The following HERC2 variants were observed in gnomAD, a reference collection of about 807,000 sequenced individuals.
HERC2 encodes the protein HECT and RLD domain containing E3 ubiquitin protein ligase 2.
A neutral mutation model predicts 537.7 loss-of-function variants in HERC2; 102 were observed. The observed-to-expected ratio is 0.19, with a 90% CI of 0.16 to 0.22. The LOEUF is 0.22. Ranked by LOEUF, HERC2 falls within the 10% of genes least tolerant of loss-of-function variation. HERC2 has a pLI of 1.00. For missense variants in HERC2, 4,236 were observed against 6,198.2 expected, an observed-to-expected ratio of 0.68 and a Z score of 10.63; for synonymous variants, 2,224 against 2,466.2, an observed-to-expected ratio of 0.90 and a Z score of 2.91.
chr15:28,208,247 G>A (rs761452097), intron 44 of HERC2, among the ~76,000 whole-genome samples: 2 of 151,976 alleles, frequency 1.3e-5, no homozygotes, highest in African/African-American at 2.4e-5. Flanking sequence ...ACATTCTACT[G>A]GACTTGCATA....
chr15:28,294,146 C>T (rs1370843269), intron 3 of HERC2, among the ~76,000 whole-genome samples: 1 of 152,184 alleles, frequency 6.6e-6, no homozygotes, highest in Non-Finnish European at 1.5e-5. Flanking sequence ...CAGTTCTCTG[C>T]GACATCCAGC....
chr15:28,116,265 G>A (rs529480306), intron 88 of HERC2, among the ~76,000 whole-genome samples: 1 of 148,998 alleles, frequency 6.7e-6, no homozygotes, highest in African/African-American at 2.5e-5. Context: ...CCAGGCTGGA[G>A]TGCAATGGTA....
In HERC2 at chr15:28,215,486, C is replaced by T. The variant is rs1189670132; in HGVS notation, c.6210+135G>A. The T allele has an allele frequency of 1.3e-5, 8 of 616,012 alleles. No individual in the cohort carries two copies. In the East Asian group the frequency reaches 2.3e-4, roughly 18 times the overall value. The allele number at this position is 616,012 out of a possible 1,614,324, so 38.2% of individuals were successfully genotyped here. A position where few individuals can be genotyped will look rare whatever the true frequency, so the allele number is the denominator to read the frequency against. On this transcript the variant is annotated intron_variant, in intron 39 of 92. Transcript: ENST00000261609. ...TATCAAGGACCTCTGCCCCTTGCCT[C>T]CAGAAAATCTACCCTGTCACTTCTA...
chr15:28,288,342 A>G (rs2076216269), intron 4 of HERC2, among the ~76,000 whole-genome samples: 1 of 151,262 alleles, frequency 6.6e-6, no homozygotes, highest in Admixed American at 6.6e-5. Flanking sequence ...CCTGACCAAC[A>G]TGACGAAACC....
At chr15:28,307,622 AT>A (rs2076826361) in intron 2 of HERC2, among the ~76,000 whole-genome samples, 1 of 152,162 alleles carries the variant, frequency 6.6e-6, no homozygotes, top group Non-Finnish European at 1.5e-5. Flanking sequence ...TCAGGAGCAT[AT>A]TGTTTAATTC....
intron 81 of HERC2, among the ~76,000 whole-genome samples, chr15:28,130,852 C>T (rs1890036789): frequency 6.6e-6 from 1 of 152,202 alleles, no homozygotes; most frequent in South Asian, 2.1e-4. Flanking sequence ...GGGAGCTTTG[C>T]AGGTGAGGCC....
In HERC2 at chr15:28,254,541, G is replaced by A. The variant is rs371465740; in HGVS notation, c.2872-23C>T. 1.1e-5 allele frequency: 17 copies of A among 1,524,008 alleles called. No homozygotes were observed. The African/African-American group carries it at 2.2e-4, about 20-fold the overall frequency. 94.4% of individuals were successfully genotyped at this position (1,524,008 alleles called of 1,614,324 possible). On this transcript the variant is annotated intron_variant, in intron 19 of 92. Coordinates refer to ENST00000261609, the MANE Select transcript of HERC2 (RefSeq NM_004667.6). ...ATCCTGTAATTCATAAAAAGAAATTGTTTACAAGTGATCTCATTACCAGGT... is the reference window on the plus strand; with the variant it reads ...ATCCTGTAATTCATAAAAAGAAATTATTTACAAGTGATCTCATTACCAGGT...
At position 28,181,596 on chromosome 15, in the gene HERC2, G is replaced by C. The variant is rs148411249; in HGVS notation, c.8937+805C>G. Among the ~76,000 whole-genome samples the C allele has an allele frequency of 4.6e-5, 7 of 152,364 alleles. No homozygotes were observed. In the East Asian group the frequency reaches 1.2e-3, roughly 25 times the overall value. ...GGAAGCATAAGCTCACGTGAACACAGAGAGTGCCTCTGGGCAATAAAATTT... is the reference window on the plus strand; with the variant it reads ...GGAAGCATAAGCTCACGTGAACACACAGAGTGCCTCTGGGCAATAAAATTT... On this transcript the variant is annotated intron_variant, in intron 57 of 92. Transcript: ENST00000261609.
chr15:28,229,578 G>A lies in HERC2; in HGVS notation c.5002C>T (p.Arg1668Cys). Residue 1668 changes from arginine (R) to cysteine (C), a missense_variant, in exon 33 of 93, where the codon CGC becomes TGC. Physicochemically the swap from Arg to Cys is radical, Grantham distance 180 (BLOSUM62 -3). This residue lies in a region of HERC2 where 343 missense variants were observed against 417.2 expected (regional missense o/e 0.82). Transcript: ENST00000261609. Reference protein sequence around the residue: ...LLKQLERAEVRLEGIDTILKL... With the variant: ...LLKQLERAEVCLEGIDTILKL... ...AAAATTGTATCTATCCCTTCCAGGC[G>A]AACCTCTGCTCTCTCCAACTGCAAA... 1 of 1,612,394 alleles carries A rather than the reference G, an allele frequency of 6.2e-7. No individual in the cohort carries two copies. Among genetic ancestry groups the A allele is most frequent in the Non-Finnish European group, 8.5e-7 (1 of 1,179,602 alleles).
chr15:28,274,426 C>T lies in HERC2; in HGVS notation c.665G>A (p.Ser222Asn). Residue 222 changes from serine (S) to asparagine (N), a missense_variant, in exon 7 of 93, where the codon AGT (serine) becomes AAT (asparagine). Coordinates refer to ENST00000261609, the MANE Select transcript of HERC2 (RefSeq NM_004667.6). ...GTCCAGGGACTCCTGCAACAGCTCA[C>T]TGCAGAGGTCCGCATCCTCGCCTGG... ...WRSGEDADLCSELLQESLDAL... is the reference protein window; with the variant it reads ...WRSGEDADLCNELLQESLDAL... 1 of 1,612,738 alleles carries T rather than the reference C, an allele frequency of 6.2e-7. No individual in the cohort carries two copies. Among genetic ancestry groups the T allele is most frequent in the Non-Finnish European group, 8.5e-7 (1 of 1,179,424 alleles).
intron 35 of HERC2, among the ~76,000 whole-genome samples, chr15:28,222,652 G>T (rs1275423370): frequency 6.6e-6 from 1 of 152,134 alleles, no homozygotes; most frequent in African/African-American, 2.4e-5. Flanking sequence ...CCTCAGACAG[G>T]GTTGCTGCAG....
intron 52 of HERC2, among the ~76,000 whole-genome samples, chr15:28,193,336 T>C (rs142723943): frequency 0.012 from 1,803 of 152,138 alleles, 21 homozygotes; most frequent in Non-Finnish European, 0.022. Flanking sequence ...AACTGATAAA[T>C]TGAATAATTA....
At chr15:28,245,400 A>G (rs1903558433) in intron 23 of HERC2, among the ~76,000 whole-genome samples, 1 of 152,042 alleles carries the variant, frequency 6.6e-6, no homozygotes, top group East Asian at 1.9e-4. Context: ...TACAAAAGTA[A>G]GCTGGGCATG....
chr15:28,308,235 C>T (rs373346726), intron 2 of HERC2, among the ~76,000 whole-genome samples: 21 of 152,214 alleles, frequency 1.4e-4, no homozygotes, highest in African/African-American at 4.1e-4. Flanking sequence ...CTTTCATCAG[C>T]GTTTTAGAGT....
chr15:28,225,467 G>A (rs1454943960), intron 35 of HERC2, among the ~76,000 whole-genome samples: 1 of 152,098 alleles, frequency 6.6e-6, no homozygotes, highest in Admixed American at 6.5e-5. Flanking sequence ...GGGAGCTGAG[G>A]TGGGCGGATC....
In HERC2 at chr15:28,246,687, A is replaced by C. The variant is rs1903740954; in HGVS notation, c.3391+55T>G. On this transcript the variant is annotated intron_variant, in intron 22 of 92. Transcript: ENST00000261609. ...TGCTGATCAGCAAAGAAGACACTTT[A>C]GCTTTCATCTATCTCCTAAAATAAA... 3.5e-6 allele frequency: 5 copies of C among 1,416,766 alleles called. No individual in the cohort carries two copies. In the South Asian group the frequency reaches 4.3e-5, roughly 12 times the overall value. 87.8% of individuals were successfully genotyped at this position (1,416,766 alleles called of 1,614,324 possible).
chr15:28,261,642 T>C (rs2075417501), intron 15 of HERC2, among the ~76,000 whole-genome samples: 1 of 152,222 alleles, frequency 6.6e-6, no homozygotes, highest in South Asian at 2.1e-4. Context: ...TCTATACTAA[T>C]GATTGTCGTA....
chr15:28,161,930 G>A (rs535478105), intron 69 of HERC2, among the ~76,000 whole-genome samples: 7 of 152,110 alleles, frequency 4.6e-5, no homozygotes, highest in African/African-American at 9.7e-5. Context: ...TAGGGCAACC[G>A]GTTTACCATC....
intron 64 of HERC2, among the ~76,000 whole-genome samples, chr15:28,174,963 A>T (rs1246840677): frequency 6.6e-6 from 1 of 152,156 alleles, no homozygotes; most frequent in African/African-American, 2.4e-5. Flanking sequence ...GACCAAAAAC[A>T]GTATGCTCAT....
Sources: gnomAD v4.1 joint callset for allele counts (sites outside exome capture counted in the v4.1 genomes callset) on GRCh38, gnomAD v4.1.1 for gene constraint, gnomAD v4.1.1 regional missense constraint, MANE v1.5 for transcripts, NCBI Gene and HGNC (gene_info 2026-07-23, HGNC 2026-07-21) for gene names.